CDK2: variants seen among roughly 807,000 people sequenced by gnomAD.
The protein encoded by CDK2 is cyclin-dependent kinase 2.
A neutral mutation model predicts 35.0 loss-of-function variants in CDK2; 8 were observed. The observed-to-expected ratio is 0.23, with a 90% CI of 0.13 to 0.41. The LOEUF is 0.41. Among genes scored for constraint, CDK2 ranks in the 10% least tolerant of loss-of-function variants. The pLI is 1.00. For synonymous variants in CDK2, 134 were observed against 137.7 expected (o/e 0.97, Z 0.19); for missense variants, 201 against 367.1 (o/e 0.55, Z 3.70).
chr12:55,971,708 C>A lies in CDK2; in HGVS notation c.*83C>A. 1.0e-6 allele frequency: 1 copy of A among 981,420 alleles called. No individual in the cohort carries two copies. The highest frequency in any genetic ancestry group is 1.4e-5 in the South Asian group (1 of 73,538). 60.8% of individuals were successfully genotyped at this position (981,420 alleles called of 1,614,324 possible). On this transcript the variant is annotated 3_prime_UTR_variant, in exon 7 of 7. Transcript: ENST00000266970. ...CAGGCTTGGCCTTGGGCTATTTGGACTCAGGTGGGCCCTCTGAACTTGCCT... is the reference window on the plus strand; with the variant it reads ...CAGGCTTGGCCTTGGGCTATTTGGAATCAGGTGGGCCCTCTGAACTTGCCT...
chr12:55,971,924 C>G lies in CDK2; in HGVS notation c.*299C>G. The G allele has an allele frequency of 3.2e-6, 1 of 308,350 alleles. No individual in the cohort carries two copies. Among genetic ancestry groups the G allele is most frequent in the Non-Finnish European group, 6.0e-6 (1 of 166,482 alleles). The allele number at this position is 308,350 out of a possible 1,614,324, so 19.1% of individuals were successfully genotyped here. A position where few individuals can be genotyped will look rare whatever the true frequency, so the allele number is the denominator to read the frequency against. ...ATAATTTTAAAAAAGCCTTCCTACACGTTAGATTTGCCGTACCAATCTCTG... is the reference window on the plus strand; with the variant it reads ...ATAATTTTAAAAAAGCCTTCCTACAGGTTAGATTTGCCGTACCAATCTCTG... On this transcript the variant is annotated 3_prime_UTR_variant, in exon 7 of 7. Coordinates refer to ENST00000266970, the MANE Select transcript of CDK2 (RefSeq NM_001798.5).
intron 4 of CDK2, 130 bp downstream of exon 4, chr12:55,969,078 G>C: frequency 2.9e-6 from 2 of 687,128 alleles, no homozygotes; most frequent in Non-Finnish European, 4.8e-6. Context: ...ATCCTAAAGA[G>C]TCTTAGGGTA....
At chr12:55,967,550 A>T (rs1380532147) in intron 1 of CDK2, 2 of 470,584 alleles carry the variant, frequency 4.3e-6, no homozygotes, top group African/African-American at 2.0e-5. Flanking sequence ...GTTGAACCTC[A>T]CTGGCCCCTC....
chr12:55,967,117 C>G lies in CDK2; in HGVS notation c.109C>G (p.Leu37Val). Residue 37 changes from leucine (L) to valine (V), a missense_variant, in exon 1 of 7, where the codon CTG becomes GTG. By Grantham distance (32) the Leu-to-Val change is conservative. Coordinates refer to ENST00000266970, the MANE Select transcript of CDK2 (RefSeq NM_001798.5). ...GGTGGTGGCGCTTAAGAAAATCCGC[C>G]TGGACACGTGAGTGGCCTCTGTACC... ...GEVVALKKIR[L>V]DTETEGVPST... 6.2e-7 allele frequency: 1 copy of G among 1,610,776 alleles called. No homozygotes were observed. Among genetic ancestry groups the G allele is most frequent in the Non-Finnish European group, 8.5e-7 (1 of 1,178,132 alleles).
Position 55,971,742 on chromosome 12 carries a change from C to T in CDK2, c.*117C>T. 1.4e-6 allele frequency: 1 copy of T among 703,258 alleles called. No homozygotes were observed. The highest frequency in any genetic ancestry group is 2.6e-5 in the East Asian group (1 of 38,342). The allele number at this position is 703,258 out of a possible 1,614,324, so 43.6% of individuals were successfully genotyped here. ...GCCCTCTGAACTTGCCTTAAACACTCACCTTCTAGTCTTGGCCAGCCAACT... is the reference window on the plus strand; with the variant it reads ...GCCCTCTGAACTTGCCTTAAACACTTACCTTCTAGTCTTGGCCAGCCAACT... On this transcript the variant is annotated 3_prime_UTR_variant, in exon 7 of 7. Coordinates refer to ENST00000266970, the MANE Select transcript of CDK2 (RefSeq NM_001798.5).
At chr12:55,967,774 C>T (rs922031531) in intron 1 of CDK2, 83 bp from the exon 2 acceptor site, 1 of 1,205,390 alleles carries the variant, frequency 8.3e-7, no homozygotes, top group African/African-American at 1.5e-5. Context: ...GTGGTGTCTC[C>T]TTGGGGGAAA....
Position 55,971,101 on chromosome 12 carries a change from T to C in CDK2, c.646T>C (p.Phe216Leu). 1 of 1,614,148 alleles carries C rather than the reference T, an allele frequency of 6.2e-7. No homozygotes were observed. ...TGAGATTGACCAGCTCTTCCGGATCTTTCGGACTCTGGGGACCCCAGATGA... is the reference window on the plus strand; with the variant it reads ...TGAGATTGACCAGCTCTTCCGGATCCTTCGGACTCTGGGGACCCCAGATGA... ...DSEIDQLFRIFRTLGTPDEVV... is the reference protein window; with the variant it reads ...DSEIDQLFRILRTLGTPDEVV... The change falls in exon 6 of 7, where the codon TTT (phenylalanine) becomes CTT (leucine). Residue 216 changes from phenylalanine (F) to leucine (L), a missense_variant. Around this residue, in one of 5 missense-constraint regions of CDK2, gnomAD observed 106 missense variants for 141.3 expected, o/e 0.75. Transcript: ENST00000266970.
At chr12:55,967,262 G>T (rs1432076271) in intron 1 of CDK2, 138 bp downstream of exon 1, 2 of 669,106 alleles carry the variant, frequency 3.0e-6, no homozygotes, top group South Asian at 1.7e-5. Flanking sequence ...GGTGGGTTGG[G>T]GGCCAGTAGA....
In CDK2 at chr12:55,967,100, C is replaced by T; in HGVS notation, c.92C>T (p.Ala31Val). The change falls in exon 1 of 7, where the codon GCG becomes GTG. Residue 31 changes from alanine (A) to valine (V), a missense_variant. Physicochemically the swap from Ala to Val is moderately conservative, Grantham distance 64. Coordinates refer to ENST00000266970, the MANE Select transcript of CDK2 (RefSeq NM_001798.5). ...ARNKLTGEVV[A>V]LKKIRLDTET... ...AACAAGTTGACGGGAGAGGTGGTGG[C>T]GCTTAAGAAAATCCGCCTGGACACG... 1 of 1,613,278 alleles carries T rather than the reference C, an allele frequency of 6.2e-7. No homozygotes were observed. Among genetic ancestry groups the T allele is most frequent in the Non-Finnish European group, 8.5e-7 (1 of 1,179,588 alleles).
Position 55,972,635 on chromosome 12 carries a change from A to C in CDK2, c.*1010A>C, listed in dbSNP as rs868228798. 7.6e-6 allele frequency: 1 copy of C among 132,008 alleles called. No individual in the cohort carries two copies. The highest frequency in any genetic ancestry group is 2.9e-5 in the African/African-American group (1 of 34,806). The allele number at this position is 132,008 out of a possible 1,614,324, so 8.2% of individuals were successfully genotyped here. ...AGTGGGTGGATTTGTTGCCATGTGC[A>C]CCTTGGGGTTTTGTAATGACAGTGC... On this transcript the variant is annotated 3_prime_UTR_variant, in exon 7 of 7. Transcript: ENST00000266970.
chr12:55,971,857 T>TC lies in CDK2; in HGVS notation c.*237dup. The TC allele has an allele frequency of 2.1e-6, 1 of 486,668 alleles. No homozygotes were observed. The highest frequency in any genetic ancestry group is 3.5e-5 in the South Asian group (1 of 28,608). The allele number at this position is 486,668 out of a possible 1,614,324, so 30.1% of individuals were successfully genotyped here. Reference sequence around the variant, plus strand: ...ACTTAAGTTAGCCTCCACCACCCTTTCCCCCTTCTCTTAGTTATTGCTGAA... The same window carrying TC: ...ACTTAAGTTAGCCTCCACCACCCTTTCCCCCCTTCTCTTAGTTATTGCTGAA... On this transcript the variant is annotated 3_prime_UTR_variant, in exon 7 of 7. Coordinates refer to ENST00000266970, the MANE Select transcript of CDK2 (RefSeq NM_001798.5).
intron 3 of CDK2, among the ~76,000 whole-genome samples, chr12:55,968,465 C>T (rs1483822897): frequency 6.6e-6 from 1 of 152,144 alleles, no homozygotes; most frequent in Non-Finnish European, 1.5e-5. Context: ...CCAAAAAGCC[C>T]TTCCATTTGG....
intron 1 of CDK2, 59 bp downstream of exon 1, chr12:55,967,183 A>C: frequency 3.1e-6 from 4 of 1,299,248 alleles, no homozygotes; most frequent in Non-Finnish European, 4.4e-6. Flanking sequence ...GTCCCCCCCA[A>C]CCCCCCACGG....
chr12:55,968,954 T>C lies in CDK2; in HGVS notation c.486+6T>C, dbSNP rs1462938332. 3.2e-6 allele frequency: 5 copies of C among 1,552,730 alleles called. No homozygotes were observed. The highest frequency in any genetic ancestry group is 4.3e-6 in the Non-Finnish European group (5 of 1,152,218). ...TTCGTACTTACACCCATGAGGTGAGTCCCTTTATGTCTTTTTTCTCTGAGC... is the reference window on the plus strand; with the variant it reads ...TTCGTACTTACACCCATGAGGTGAGCCCCTTTATGTCTTTTTTCTCTGAGC... On this transcript the variant is annotated splice_donor_region_variant and intron_variant, in intron 4 of 6. Transcript: ENST00000266970.
In CDK2 at chr12:55,971,918, C is replaced by G; in HGVS notation, c.*293C>G. The G allele has an allele frequency of 3.0e-6, 1 of 335,016 alleles. No individual in the cohort carries two copies. Among genetic ancestry groups the G allele is most frequent in the Non-Finnish European group, 5.5e-6 (1 of 183,032 alleles). The allele number at this position is 335,016 out of a possible 1,614,324, so 20.8% of individuals were successfully genotyped here. ...ATAAAAATAATTTTAAAAAAGCCTT[C>G]CTACACGTTAGATTTGCCGTACCAA... On this transcript the variant is annotated 3_prime_UTR_variant, in exon 7 of 7. Coordinates refer to ENST00000266970, the MANE Select transcript of CDK2 (RefSeq NM_001798.5).
In CDK2 at chr12:55,968,057, A is replaced by T; in HGVS notation, c.203A>T (p.Asp68Val). The T allele has an allele frequency of 6.2e-7, 1 of 1,614,074 alleles. No individual in the cohort carries two copies. Residue 68 changes from aspartate (D) to valine (V), a missense_variant, in exon 3 of 7, where the codon GAT becomes GTT. Transcript: ENST00000266970. ...AAACTTTCCTTCTCTAGGCTGCTGG[A>T]TGTCATTCACACAGAAAATAAACTC... is the stretch of plus-strand genomic sequence containing the variant. ...LNHPNIVKLLDVIHTENKLYL... is the reference protein window; with the variant it reads ...LNHPNIVKLLVVIHTENKLYL...
rs749001657 is a variant in CDK2, at chr12:55,967,944, C to T, written c.194+10C>T. On this transcript the variant is annotated intron_variant, in intron 2 of 6. Transcript: ENST00000266970. ...ATCCTAATATTGTCAAGTAAGTATG[C>T]GTCTGAGAGGTGATCCAGCTGGAAA... 4 of 1,613,332 alleles carry T rather than the reference C, an allele frequency of 2.5e-6. No individual in the cohort carries two copies. Among genetic ancestry groups the T allele is most frequent in the Admixed American group, 3.3e-5 (2 of 60,010 alleles).
Position 55,966,864 on chromosome 12 carries a change from A to G in CDK2, c.-145A>G. On this transcript the variant is annotated 5_prime_UTR_variant, in exon 1 of 7. Coordinates refer to ENST00000266970, the MANE Select transcript of CDK2 (RefSeq NM_001798.5). ...AGTTGGCCAAATTGACAAGAGCGAG[A>G]GGTATACTGCGTTCCATCCCGACCC... is the stretch of plus-strand genomic sequence containing the variant. The G allele has an allele frequency of 1.2e-6, 1 of 837,636 alleles. No homozygotes were observed. The highest frequency in any genetic ancestry group is 1.8e-6 in the Non-Finnish European group (1 of 553,038). 51.9% of individuals were successfully genotyped at this position (837,636 alleles called of 1,614,324 possible). A position where few individuals can be genotyped will look rare whatever the true frequency, so the allele number is the denominator to read the frequency against.
Position 55,968,079 on chromosome 12 carries a change from ACT to A in CDK2, c.228_229del (p.Tyr77ProfsTer4). 2 of 1,613,994 alleles carry A rather than the reference ACT, an allele frequency of 1.2e-6. No homozygotes were observed. The highest frequency in any genetic ancestry group is 1.7e-6 in the Non-Finnish European group (2 of 1,179,992). On this transcript the variant is annotated frameshift_variant, in exon 3 of 7. Transcript: ENST00000266970. LOFTEE classifies it high-confidence loss of function. The part of the protein sequence containing the change: ...LLDVIHTENK[L>X]YLVFEFLHQD... ...TGGATGTCATTCACACAGAAAATAA[ACT>A]CTACCTGGTTTTTGAATTTCTGCAC...
Sources: allele counts gnomAD v4.1 joint callset (sites outside exome capture counted in the v4.1 genomes callset), GRCh38; gene constraint gnomAD v4.1.1; regional missense constraint gnomAD v4.1.1; transcripts MANE v1.5; gene names NCBI Gene and HGNC (gene_info 2026-07-23, HGNC 2026-07-21).